Variants in SCFD2 observed in about 807,000 individuals in gnomAD.
SCFD2 encodes the protein sec1 family domain containing 2, also known as sec1 family domain-containing protein 2.
Under a neutral mutation model 58.9 loss-of-function variants are expected in SCFD2, and 54 were observed. The observed-to-expected ratio is 0.92, with a 90% CI of 0.74 to 1.15. SCFD2 has a LOEUF of 1.15. Ranked by LOEUF, SCFD2 falls within the 50% of genes most tolerant of loss-of-function variation. The pLI is 0.00. For missense variants in SCFD2, 805 were observed against 836.6 expected, an observed-to-expected ratio of 0.96 and a Z score of 0.47; for synonymous variants, 321 against 335.9, an observed-to-expected ratio of 0.96 and a Z score of 0.49.
At chr4:53,041,087 A>G (rs982919712) in intron 5 of SCFD2, among the ~76,000 whole-genome samples, 3 of 152,220 alleles carry the variant, frequency 2.0e-5, no homozygotes, top group African/African-American at 7.2e-5. Context: ...CTTAAGCAGC[A>G]TATCCGTGCC....
At position 53,092,255 on chromosome 4, in the gene SCFD2, G is replaced by A. The variant is rs77449234; in HGVS notation, c.1561+53078C>T. On this transcript the variant is annotated intron_variant, in intron 5 of 8. Coordinates refer to ENST00000401642, the MANE Select transcript of SCFD2 (RefSeq NM_152540.4). Reference sequence around the variant, plus strand: ...CATTATAATTTGCCTGATAAAACACGTCATATGACACATAACAGGTCGTAT... The same window carrying A: ...CATTATAATTTGCCTGATAAAACACATCATATGACACATAACAGGTCGTAT... Among the ~76,000 whole-genome samples, 600 of 152,142 alleles carry A rather than the reference G, an allele frequency of 3.9e-3. 38 individuals carry two copies. In the East Asian group the frequency reaches 0.11, roughly 27 times the overall value.
intron 1 of SCFD2, among the ~76,000 whole-genome samples, chr4:53,360,501 T>C (rs1314776782): frequency 6.6e-6 from 1 of 152,210 alleles, no homozygotes; most frequent in Admixed American, 6.5e-5. Context: ...AATCAAAACT[T>C]GGTTCCATAA....
intron 1 of SCFD2, among the ~76,000 whole-genome samples, chr4:53,354,957 T>C (rs931384115): frequency 1.1e-4 from 17 of 152,244 alleles, no homozygotes; most frequent in African/African-American, 3.9e-4. Context: ...ATTAAGCCAA[T>C]TGCTTCAAGG....
intron 3 of SCFD2, among the ~76,000 whole-genome samples, chr4:53,287,238 C>A (rs1033242772): frequency 1.4e-4 from 21 of 152,154 alleles, no homozygotes; most frequent in African/African-American, 4.8e-4. Flanking sequence ...ACACTGAGTT[C>A]TGAACCCCAG....
intron 1 of SCFD2, among the ~76,000 whole-genome samples, chr4:53,360,496 A>C (rs1448068775): frequency 6.6e-6 from 1 of 152,234 alleles, no homozygotes; most frequent in African/African-American, 2.4e-5. Flanking sequence ...CCACAAATCA[A>C]AACTTGGTTC....
chr4:52,921,314 T>G (rs1719729556), intron 5 of SCFD2, among the ~76,000 whole-genome samples: 1 of 152,178 alleles, frequency 6.6e-6, no homozygotes, highest in African/African-American at 2.4e-5. Context: ...ATGAGAAAGA[T>G]CCTGTCTAAT....
At chr4:53,091,135 T>C (rs1399345679) in intron 5 of SCFD2, among the ~76,000 whole-genome samples, 4 of 152,244 alleles carry the variant, frequency 2.6e-5, no homozygotes, top group African/African-American at 9.6e-5. Context: ...CATTCACAGA[T>C]GAGAGAAAAA....
intron 5 of SCFD2, among the ~76,000 whole-genome samples, chr4:52,954,289 G>A (rs1267371435): frequency 1.3e-5 from 2 of 152,174 alleles, no homozygotes; most frequent in African/African-American, 4.8e-5. Flanking sequence ...CCCATACCAG[G>A]CCAGTCTGAG....
chr4:52,960,500 CTAGGATTATAGGCA>C (rs1422654205), intron 5 of SCFD2, among the ~76,000 whole-genome samples: 1 of 151,854 alleles, frequency 6.6e-6, no homozygotes, highest in Non-Finnish European at 1.5e-5. Context: ...TCCCGAGTAG[CTAGGATTATAGGCA>C]TACACCACCA....
chr4:52,874,057 A>T lies in SCFD2; in HGVS notation c.1967T>A (p.Ile656Asn). ...VASLKPGTQV[I>N]VLSTRLLKPL... ...CTTCAGGAGTCGTGTGGACAGCACGATTACCTAACAACAGGAGAGGGCAAA... is the reference window on the plus strand; with the variant it reads ...CTTCAGGAGTCGTGTGGACAGCACGTTTACCTAACAACAGGAGAGGGCAAA... The change falls in exon 9 of 9, where the codon ATC (isoleucine) becomes AAC (asparagine). Residue 656 changes from isoleucine to asparagine, a missense_variant. Transcript: ENST00000401642. 6.2e-7 allele frequency: 1 copy of T among 1,612,344 alleles called. No homozygotes were observed. Among genetic ancestry groups the T allele is most frequent in the Non-Finnish European group, 8.5e-7 (1 of 1,178,358 alleles).
intron 5 of SCFD2, among the ~76,000 whole-genome samples, chr4:53,028,649 G>A (rs1286160113): frequency 2.0e-5 from 3 of 152,088 alleles, no homozygotes; most frequent in East Asian, 1.9e-4. Flanking sequence ...AAGGGAGAGA[G>A]GGAAGGATAG....
At chr4:53,219,506 G>A (rs1048359096) in intron 4 of SCFD2, among the ~76,000 whole-genome samples, 1 of 152,190 alleles carries the variant, frequency 6.6e-6, no homozygotes, top group Non-Finnish European at 1.5e-5. Context: ...TACGGTGGGA[G>A]TGAACCGATT....
intron 3 of SCFD2, among the ~76,000 whole-genome samples, chr4:53,301,134 C>G (rs1473455566): frequency 6.6e-6 from 1 of 152,066 alleles, no homozygotes; most frequent in East Asian, 1.9e-4. Context: ...ACACAAAAAA[C>G]CCTTCAAAAA....
At chr4:52,953,542 A>C (rs1720648107) in intron 5 of SCFD2, among the ~76,000 whole-genome samples, 1 of 152,192 alleles carries the variant, frequency 6.6e-6, no homozygotes, top group South Asian at 2.1e-4. Flanking sequence ...GGTGGTGTCA[A>C]GGGGAGTCAA....
At chr4:52,896,074 A>G (rs937564766) in intron 7 of SCFD2, among the ~76,000 whole-genome samples, 2 of 152,060 alleles carry the variant, frequency 1.3e-5, no homozygotes, top group African/African-American at 4.8e-5. Flanking sequence ...CCTTTGTCAG[A>G]TGAGTAGATT....
At chr4:53,314,022 CTA>C (rs1404861123) in intron 2 of SCFD2, among the ~76,000 whole-genome samples, 3 of 152,022 alleles carry the variant, frequency 2.0e-5, no homozygotes, top group African/African-American at 4.8e-5. Flanking sequence ...TGTGGGAAAA[CTA>C]TGTGATAAAT....
intron 5 of SCFD2, among the ~76,000 whole-genome samples, chr4:52,981,385 T>C (rs1721371974): frequency 6.6e-6 from 1 of 152,196 alleles, no homozygotes; most frequent in African/African-American, 2.4e-5. Context: ...CCTCTATTAA[T>C]TGAAAACATT....
chr4:53,080,681 T>C (rs1724119901), intron 5 of SCFD2, among the ~76,000 whole-genome samples: 1 of 152,170 alleles, frequency 6.6e-6, no homozygotes, highest in South Asian at 2.1e-4. Context: ...GGAGGGGTTG[T>C]GGGAAATCTT....
At chr4:52,876,592 A>T (rs963516818) in intron 8 of SCFD2, among the ~76,000 whole-genome samples, 1 of 151,976 alleles carries the variant, frequency 6.6e-6, no homozygotes, top group Admixed American at 6.6e-5. Flanking sequence ...TCTACTAAAA[A>T]TACAAAAATT....
Sources: gnomAD v4.1 joint callset for allele counts (sites outside exome capture counted in the v4.1 genomes callset) on GRCh38, gnomAD v4.1.1 for gene constraint, MANE v1.5 for transcripts, NCBI Gene and HGNC (gene_info 2026-07-23, HGNC 2026-07-21) for gene names.